The following MACROD2 variants were observed in gnomAD, a reference collection of about 807,000 sequenced individuals.
The protein encoded by MACROD2 is ADP-ribose glycohydrolase MACROD2.
In MACROD2, 36 loss-of-function variants were observed where a neutral mutation model predicts 70.4. The ratio of observed to expected loss-of-function variants is 0.51; its 90% CI spans 0.39 to 0.68. The LOEUF (loss-of-function observed/expected upper bound fraction) is 0.68, where lower values mean the gene tolerates loss of function less well. Among genes scored for constraint, MACROD2 ranks in the 30% least tolerant of loss-of-function variants. The pLI, the probability that MACROD2 is intolerant of heterozygous loss-of-function variation, is 0.00. For synonymous variants in MACROD2, 172 were observed against 178.8 expected (o/e 0.96, Z 0.30); for missense variants, 496 against 538.4 (o/e 0.92, Z 0.78).
chr20:14,795,581 A>G (rs1428099288), intron 5 of MACROD2, among the ~76,000 whole-genome samples: 1 of 152,148 alleles, frequency 6.6e-6, no homozygotes, highest in African/African-American at 2.4e-5. Context: ...GACACATAGG[A>G]TGTTTGAGAC....
chr20:14,819,383 G>GAAAAAAAAAAAAA (rs142838363), intron 5 of MACROD2, among the ~76,000 whole-genome samples: 1 of 103,224 alleles, frequency 9.7e-6, no homozygotes, highest in Non-Finnish European at 2.3e-5. Flanking sequence ...GTATTGATAA[G>GAAAAAAAAAAAAA]AAAAAAAAAA....
At chr20:14,276,004 T>G (rs1158882867) in intron 3 of MACROD2, among the ~76,000 whole-genome samples, 1 of 151,812 alleles carries the variant, frequency 6.6e-6, no homozygotes, top group Non-Finnish European at 1.5e-5. Context: ...TGTGGAGAAA[T>G]AGGAACACTT....
chr20:15,427,322 A>G (rs191750107), intron 6 of MACROD2, among the ~76,000 whole-genome samples: 3 of 152,308 alleles, frequency 2.0e-5, no homozygotes. Context: ...AAGTTGCATG[A>G]TTGATTCCAA....
chr20:15,683,872 G>A lies in MACROD2; in HGVS notation c.646-178873G>A, dbSNP rs117591989. On this transcript the variant is annotated intron_variant, in intron 8 of 17. Transcript: ENST00000684519. Reference sequence around the variant, plus strand: ...TGAGATTATAGGTGTGAGCCATCGCGCCTGGCTGCTTAGCTTGCTGTTATC... The same window carrying A: ...TGAGATTATAGGTGTGAGCCATCGCACCTGGCTGCTTAGCTTGCTGTTATC... Among the ~76,000 whole-genome samples the A allele has an allele frequency of 3.5e-4, 54 of 152,154 alleles. No homozygotes were observed. The East Asian group carries it at 9.3e-3, about 26-fold the overall frequency.
At chr20:14,344,422 T>G (rs903901177) in intron 3 of MACROD2, among the ~76,000 whole-genome samples, 3 of 152,226 alleles carry the variant, frequency 2.0e-5, no homozygotes, top group Non-Finnish European at 4.4e-5. Flanking sequence ...TACTTAAATT[T>G]TCTAAGCATG....
At chr20:14,082,926 T>C (rs1304681854) in intron 2 of MACROD2, among the ~76,000 whole-genome samples, 1 of 152,176 alleles carries the variant, frequency 6.6e-6, no homozygotes, top group African/African-American at 2.4e-5. Context: ...CAAGGACTTG[T>C]GGCTCAGAGT....
intron 3 of MACROD2, among the ~76,000 whole-genome samples, chr20:14,492,241 A>C (rs2084803343): frequency 6.6e-6 from 1 of 152,190 alleles, no homozygotes; most frequent in African/African-American, 2.4e-5. Context: ...TTTATGGTTG[A>C]TTAATGACAT....
intron 8 of MACROD2, among the ~76,000 whole-genome samples, chr20:15,831,848 T>C (rs41530549): frequency 0.02 from 3,093 of 152,232 alleles, 117 homozygotes; most frequent in African/African-American, 0.071. Context: ...GAAGCAATCA[T>C]GTTAAAGAAA....
chr20:15,099,436 C>A (rs1312092896), intron 5 of MACROD2, among the ~76,000 whole-genome samples: 5 of 152,148 alleles, frequency 3.3e-5, no homozygotes, highest in African/African-American at 1.2e-4. Flanking sequence ...TGTGAGTTCA[C>A]AGTGAGAAGC....
intron 5 of MACROD2, among the ~76,000 whole-genome samples, chr20:15,167,229 G>A (rs908327310): frequency 5.9e-5 from 9 of 152,060 alleles, no homozygotes; most frequent in South Asian, 2.1e-4. Flanking sequence ...TGAAGTAAAC[G>A]TTATAACACT....
intron 2 of MACROD2, among the ~76,000 whole-genome samples, chr20:14,040,729 C>CTA (rs1309244939): frequency 6.6e-6 from 1 of 152,136 alleles, no homozygotes; most frequent in Non-Finnish European, 1.5e-5. Context: ...AGTGATTGTG[C>CTA]TATGACATTA....
At chr20:15,897,271 C>T (rs1234547386) in intron 10 of MACROD2, among the ~76,000 whole-genome samples, 4 of 152,012 alleles carry the variant, frequency 2.6e-5, no homozygotes, top group South Asian at 2.1e-4. Flanking sequence ...GGAATATTTC[C>T]GTTTGTTTTT....
At chr20:14,581,769 C>T (rs532219373) in intron 4 of MACROD2, among the ~76,000 whole-genome samples, 32 of 152,146 alleles carry the variant, frequency 2.1e-4, no homozygotes, top group Admixed American at 3.3e-4. Flanking sequence ...GAGATATAAC[C>T]TGATAACTCC....
chr20:15,071,317 T>G (rs986969336), intron 5 of MACROD2, among the ~76,000 whole-genome samples: 2 of 152,344 alleles, frequency 1.3e-5, no homozygotes, highest in Admixed American at 6.5e-5. Context: ...GATGGCATTT[T>G]AAGCCAAAAG....
At chr20:15,997,193 T>C (rs972423503) in intron 15 of MACROD2, among the ~76,000 whole-genome samples, 10 of 152,204 alleles carry the variant, frequency 6.6e-5, no homozygotes, top group African/African-American at 2.4e-4. Flanking sequence ...TGGGATATTT[T>C]GTGTTTCCAT....
chr20:15,056,193 CAG>C (rs2075484212), intron 5 of MACROD2, among the ~76,000 whole-genome samples: 1 of 152,166 alleles, frequency 6.6e-6, no homozygotes, highest in African/African-American at 2.4e-5. Flanking sequence ...AGGTAAAACA[CAG>C]AGCACTCTTC....
intron 5 of MACROD2, among the ~76,000 whole-genome samples, chr20:14,975,975 T>TAGGC (rs986041960): frequency 2.6e-5 from 4 of 152,124 alleles, no homozygotes; most frequent in Admixed American, 2.0e-4. Flanking sequence ...CTCAGGAAGG[T>TAGGC]AGGCGTTAAC....
intron 5 of MACROD2, among the ~76,000 whole-genome samples, chr20:14,845,732 G>T (rs1219847336): frequency 6.6e-6 from 1 of 151,968 alleles, no homozygotes; most frequent in Non-Finnish European, 1.5e-5. Context: ...CAACCAAGAG[G>T]AGTGCCCCAT....
intron 5 of MACROD2, among the ~76,000 whole-genome samples, chr20:14,868,515 A>G (rs980627583): frequency 1.2e-4 from 19 of 152,032 alleles, no homozygotes; most frequent in African/African-American, 4.1e-4. Context: ...GGCCACTACA[A>G]TAAGAAAATC....
Sources: gnomAD v4.1 joint callset for allele counts (sites outside exome capture counted in the v4.1 genomes callset) on GRCh38, gnomAD v4.1.1 for gene constraint, MANE v1.5 for transcripts, NCBI Gene and HGNC (gene_info 2026-07-23, HGNC 2026-07-21) for gene names.